Variants in LRRC4C observed in about 807,000 individuals in gnomAD.
LRRC4C encodes the protein leucine rich repeat containing 4C.
Under a neutral mutation model 33.6 loss-of-function variants are expected in LRRC4C, and 5 were observed. That is an observed-to-expected ratio of 0.15 (90% CI 0.08 to 0.31). LRRC4C has a LOEUF of 0.31. Among genes scored for constraint, LRRC4C ranks in the 10% least tolerant of loss-of-function variants. The pLI is 1.00. For missense variants in LRRC4C, 560 were observed against 796.7 expected, an observed-to-expected ratio of 0.70 and a Z score of 3.58; for synonymous variants, 329 against 302.0, an observed-to-expected ratio of 1.09 and a Z score of -0.93.
chr11:40,998,277 A>G (rs113860537), intron 1 of LRRC4C, among the ~76,000 whole-genome samples: 121 of 151,750 alleles, frequency 8.0e-4, no homozygotes, highest in Non-Finnish European at 1.4e-3. Context: ...AAAAAAAAGG[A>G]CATTCTTCCA....
intron 2 of LRRC4C, among the ~76,000 whole-genome samples, chr11:40,675,017 G>A (rs1023590413): frequency 6.6e-6 from 1 of 152,198 alleles, no homozygotes; most frequent in Non-Finnish European, 1.5e-5. Context: ...CTACTCTGAA[G>A]CATCAAAAAA....
At chr11:41,190,373 C>A (rs565427200) in intron 1 of LRRC4C, among the ~76,000 whole-genome samples, 2 of 152,238 alleles carry the variant, frequency 1.3e-5, no homozygotes, top group South Asian at 4.1e-4. Context: ...TTTGACCTGT[C>A]TTTTTAGGGT....
At chr11:41,225,593 G>A (rs1947496876) in intron 1 of LRRC4C, among the ~76,000 whole-genome samples, 1 of 152,052 alleles carries the variant, frequency 6.6e-6, no homozygotes, top group Non-Finnish European at 1.5e-5. Flanking sequence ...GAGCCCAGGA[G>A]TTCGAGACTA....
chr11:40,659,346 A>G (rs1292043959), intron 2 of LRRC4C, among the ~76,000 whole-genome samples: 1 of 152,158 alleles, frequency 6.6e-6, no homozygotes, highest in East Asian at 1.9e-4. Context: ...TGTTGATGGC[A>G]GAAGGCAGAT....
At chr11:40,671,231 A>G (rs1944089534) in intron 2 of LRRC4C, among the ~76,000 whole-genome samples, 1 of 152,216 alleles carries the variant, frequency 6.6e-6, no homozygotes, top group African/African-American at 2.4e-5. Flanking sequence ...GTGATTAATC[A>G]TTTTATTATT....
intron 2 of LRRC4C, among the ~76,000 whole-genome samples, chr11:40,843,128 T>C (rs775513707): frequency 6.6e-6 from 1 of 152,162 alleles, no homozygotes; most frequent in Non-Finnish European, 1.5e-5. Flanking sequence ...ACTTGCCTGG[T>C]GACGAACTGA....
At chr11:40,694,743 C>G (rs146102444) in intron 2 of LRRC4C, among the ~76,000 whole-genome samples, 1,657 of 152,194 alleles carry the variant, frequency 0.011, 19 homozygotes, top group Non-Finnish European at 0.013. Flanking sequence ...AATGTCGCAC[C>G]TATACATTGC....
chr11:40,396,948 G>A (rs2137506658), intron 3 of LRRC4C, among the ~76,000 whole-genome samples: 1 of 152,156 alleles, frequency 6.6e-6, no homozygotes, highest in African/African-American at 2.4e-5. Flanking sequence ...AGATGCAGAT[G>A]TTTTTCTTAA....
At chr11:40,488,070 G>T (rs1456447587) in intron 3 of LRRC4C, among the ~76,000 whole-genome samples, 1 of 152,026 alleles carries the variant, frequency 6.6e-6, no homozygotes, top group Non-Finnish European at 1.5e-5. Flanking sequence ...CTTCAACTGA[G>T]ATCTTTCAGA....
chr11:40,697,745 C>T (rs1035144825), intron 2 of LRRC4C, among the ~76,000 whole-genome samples: 22 of 152,012 alleles, frequency 1.4e-4, no homozygotes, highest in African/African-American at 5.1e-4. Flanking sequence ...CTATTTTTGA[C>T]CTTAGTTTGT....
At chr11:40,564,023 A>G (rs1957658010) in intron 3 of LRRC4C, among the ~76,000 whole-genome samples, 1 of 152,156 alleles carries the variant, frequency 6.6e-6, no homozygotes, top group Non-Finnish European at 1.5e-5. Flanking sequence ...ATTACAACCC[A>G]AAGAAGCTGC....
At chr11:41,396,099 A>G (rs953528590) in intron 1 of LRRC4C, among the ~76,000 whole-genome samples, 3 of 151,982 alleles carry the variant, frequency 2.0e-5, no homozygotes, top group African/African-American at 4.8e-5. Flanking sequence ...GTGGCCCAAG[A>G]CAAATTCTTC....
chr11:40,166,958 A>T (rs1293788440), intron 5 of LRRC4C, among the ~76,000 whole-genome samples: 1 of 152,308 alleles, frequency 6.6e-6, no homozygotes, highest in Admixed American at 6.5e-5. Flanking sequence ...ATAAGTTCAT[A>T]AAGCCTGTGT....
chr11:41,044,340 C>T (rs892730443), intron 1 of LRRC4C, among the ~76,000 whole-genome samples: 13 of 152,088 alleles, frequency 8.5e-5, no homozygotes, highest in African/African-American at 2.7e-4. Flanking sequence ...AAGACTCTGT[C>T]AACTGGATAA....
chr11:41,372,037 TG>T (rs1952768335), intron 1 of LRRC4C, among the ~76,000 whole-genome samples: 4 of 152,226 alleles, frequency 2.6e-5, no homozygotes, highest in Admixed American at 2.6e-4. Context: ...CTCAGGAGGC[TG>T]AGGCAGGAGA....
intron 5 of LRRC4C, among the ~76,000 whole-genome samples, chr11:40,150,229 A>T (rs1351347125): frequency 2.0e-5 from 3 of 152,144 alleles, no homozygotes; most frequent in Non-Finnish European, 4.4e-5. Flanking sequence ...ATCCAGGATG[A>T]TCTAATCTCA....
chr11:40,145,419 A>C (rs1208814630), intron 5 of LRRC4C, among the ~76,000 whole-genome samples: 1 of 152,186 alleles, frequency 6.6e-6, no homozygotes, highest in Non-Finnish European at 1.5e-5. Context: ...CTAGTTACAT[A>C]AACTTTTATG....
chr11:40,137,375 C>G (rs1332606802), intron 6 of LRRC4C, among the ~76,000 whole-genome samples: 1 of 152,078 alleles, frequency 6.6e-6, no homozygotes, highest in Admixed American at 6.6e-5. Context: ...TCACCTCACC[C>G]CTTTTCTCCA....
chr11:41,034,399 T>G (rs1014832887), intron 1 of LRRC4C, among the ~76,000 whole-genome samples: 1 of 147,298 alleles, frequency 6.8e-6, no homozygotes, highest in Non-Finnish European at 1.5e-5. Flanking sequence ...GTTATAGGAA[T>G]GGAAAACAGA....
Sources: allele counts gnomAD v4.1 joint callset (sites outside exome capture counted in the v4.1 genomes callset), GRCh38; gene constraint gnomAD v4.1.1; transcripts MANE v1.5; gene names NCBI Gene and HGNC (gene_info 2026-07-23, HGNC 2026-07-21).